The following C2CD3 variants were observed in gnomAD, a reference collection of about 807,000 sequenced individuals.
The protein encoded by C2CD3 is C2 domain-containing protein 3.
C2CD3 carries 148 observed loss-of-function variants against 234.0 expected under a neutral mutation model. That is an observed-to-expected ratio of 0.63 (90% CI 0.55 to 0.72). The LOEUF (loss-of-function observed/expected upper bound fraction) is 0.72. Among genes scored for constraint, C2CD3 ranks in the 30% least tolerant of loss-of-function variants. The probability of loss-of-function intolerance (pLI) is 0.00; values close to 1 mark genes in which losing one functional copy is unlikely to be tolerated. For missense variants in C2CD3, 2,577 were observed against 2,811.5 expected (o/e 0.92, Z 1.89); for synonymous variants, 1,000 against 1,035.4 (o/e 0.97, Z 0.66).
At chr11:74,155,611 C>T (rs948578771) in intron 3 of C2CD3, among the ~76,000 whole-genome samples, 12 of 151,902 alleles carry the variant, frequency 7.9e-5, no homozygotes, top group Non-Finnish European at 1.5e-4. Context: ...AACTTAGAAA[C>T]ATTATGTTAA....
At chr11:74,030,432 T>G (rs1952476588) in intron 31 of C2CD3, among the ~76,000 whole-genome samples, 1 of 152,202 alleles carries the variant, frequency 6.6e-6, no homozygotes, top group Non-Finnish European at 1.5e-5. Flanking sequence ...AAGGTCCTCC[T>G]TAACACTAAA....
rs1289509831 is a variant in C2CD3, at chr11:74,161,500, T to C, written c.382A>G (p.Arg128Gly). 4.4e-6 allele frequency: 7 copies of C among 1,597,094 alleles called. No individual in the cohort carries two copies. The highest frequency in any genetic ancestry group is 2.3e-5 in the East Asian group (1 of 43,784). The change falls in exon 3 of 33, where the codon AGA becomes GGA. Residue 128 changes from arginine (R) to glycine (G), a missense_variant. By Grantham distance (125) the Arg-to-Gly change is moderately radical. Transcript: ENST00000334126. The part of the protein sequence containing the change: ...ITKLDGLPIG[R>G]VQINGLAQLS... Reference sequence around the variant, plus strand: ...TGAGCTAGTCCATTGATCTGAACTCTACCAATTGGAAGACCATCAAGTTTG... The same window carrying C: ...TGAGCTAGTCCATTGATCTGAACTCCACCAATTGGAAGACCATCAAGTTTG...
chr11:74,113,645 A>G (rs772762012), intron 11 of C2CD3, 135 bp downstream of exon 11: 6 of 690,330 alleles, frequency 8.7e-6, no homozygotes, highest in East Asian at 2.7e-5. Context: ...GCGCCACCAC[A>G]CTCCAGCCTG....
At chr11:74,019,272 C>A (rs778477604) in intron 32 of C2CD3, among the ~76,000 whole-genome samples, 1 of 152,132 alleles carries the variant, frequency 6.6e-6, no homozygotes, top group African/African-American at 2.4e-5. Context: ...GACCTATGAG[C>A]CCCTTCCTAA....
chr11:74,020,664 T>C (rs1952050004), intron 32 of C2CD3, among the ~76,000 whole-genome samples: 1 of 152,198 alleles, frequency 6.6e-6, no homozygotes, highest in South Asian at 2.1e-4. Flanking sequence ...CCCAGGGAAC[T>C]GTGAGTTCCC....
Position 74,118,290 on chromosome 11 carries a change from T to C in C2CD3, c.1458A>G (p.Ser486=), listed in dbSNP as rs755477416. Residue 486 remains serine, a synonymous_variant, in exon 9 of 33, where the codon TCA becomes TCG. Coordinates refer to ENST00000334126, the MANE Select transcript of C2CD3 (RefSeq NM_001286577.2). ...GATCACTTGACTCCAGAACCTTAGA[T>C]GATCTGGCAAGAGCTGTTGACTGGC... ...KISQSTALAR[S]SKVLESSDHK... is the part of the protein sequence containing the mutation. The C allele has an allele frequency of 6.2e-7, 1 of 1,612,684 alleles. No individual in the cohort carries two copies. Among genetic ancestry groups the C allele is most frequent in the Admixed American group, 1.7e-5 (1 of 60,000 alleles).
intron 2 of C2CD3, chr11:74,164,335 G>A: frequency 1.6e-6 from 1 of 644,888 alleles, no homozygotes; most frequent in Non-Finnish European, 1.9e-6. Flanking sequence ...CATTTTCATG[G>A]CTGCTATTTT....
chr11:74,022,785 C>T (rs574505917), intron 32 of C2CD3, among the ~76,000 whole-genome samples: 1 of 152,324 alleles, frequency 6.6e-6, no homozygotes, highest in South Asian at 2.1e-4. Context: ...GGCAGCGGAA[C>T]TTGATTGATT....
chr11:74,139,408 A>G (rs2135544354), intron 4 of C2CD3, among the ~76,000 whole-genome samples, 197 bp downstream of exon 4: 1 of 152,324 alleles, frequency 6.6e-6, no homozygotes, highest in South Asian at 2.1e-4. Flanking sequence ...GGAAAACAGA[A>G]ATCATGTCTT....
chr11:74,146,156 T>C (rs2135551515), intron 3 of C2CD3, among the ~76,000 whole-genome samples: 1 of 152,294 alleles, frequency 6.6e-6, no homozygotes, highest in South Asian at 2.1e-4. Flanking sequence ...GGTATACCTG[T>C]GAAATGCAGT....
chr11:74,078,398 C>T lies in C2CD3; in HGVS notation c.4320G>A (p.Lys1440=), dbSNP rs763897555. 5 of 1,614,178 alleles carry T rather than the reference C, an allele frequency of 3.1e-6. No homozygotes were observed. The South Asian group carries it at 4.4e-5, about 14-fold the overall frequency. The part of the protein sequence containing the change: ...HKNTYCYLRY[K]FYDHEAFWTP... Reference sequence around the variant, plus strand: ...TCCAAAAGGCTTCATGATCATAGAACTTGTAGCGAAGGTAGCAATATGTAT... The same window carrying T: ...TCCAAAAGGCTTCATGATCATAGAATTTGTAGCGAAGGTAGCAATATGTAT... Residue 1440 remains lysine (K), a synonymous_variant, in exon 23 of 33, where the codon AAG becomes AAA. Transcript: ENST00000334126.
chr11:74,075,081 C>A (rs574933617), intron 23 of C2CD3, among the ~76,000 whole-genome samples: 3 of 151,928 alleles, frequency 2.0e-5, no homozygotes, highest in African/African-American at 4.8e-5. Context: ...AAGACTCTGT[C>A]TCAAAAAACA....
At chr11:74,116,919 C>CAT (rs1163801319) in intron 9 of C2CD3, among the ~76,000 whole-genome samples, 1 of 109,154 alleles carries the variant, frequency 9.2e-6, no homozygotes, top group Non-Finnish European at 1.8e-5. Context: ...TGTATATATA[C>CAT]ATATACACGT....
intron 11 of C2CD3, among the ~76,000 whole-genome samples, chr11:74,112,777 A>G (rs1330841080): frequency 1.3e-5 from 2 of 152,244 alleles, no homozygotes; most frequent in African/African-American, 2.4e-5. Flanking sequence ...GATGACCAGA[A>G]TAAAAAAGAA....
chr11:74,022,515 A>G (rs1219685323), intron 32 of C2CD3, among the ~76,000 whole-genome samples: 2 of 152,222 alleles, frequency 1.3e-5, no homozygotes, highest in Admixed American at 1.3e-4. Flanking sequence ...ATTCAAAGTC[A>G]TATTTGAAGT....
chr11:74,142,401 T>C (rs1397636775), intron 3 of C2CD3: 1 of 152,248 alleles, frequency 6.6e-6, no homozygotes, highest in Non-Finnish European at 1.5e-5. Context: ...CTAAATTACG[T>C]AGAAGTTTGT....
chr11:74,094,490 T>C (rs1956032974), intron 17 of C2CD3, among the ~76,000 whole-genome samples: 2 of 152,194 alleles, frequency 1.3e-5, no homozygotes, highest in Admixed American at 1.3e-4. Context: ...TTCTGGAACA[T>C]ACACCGAATG....
At chr11:74,089,439 T>C (rs1955791309) in intron 20 of C2CD3, among the ~76,000 whole-genome samples, 1 of 151,984 alleles carries the variant, frequency 6.6e-6, no homozygotes, top group South Asian at 2.1e-4. Context: ...ACTGAAAGAG[T>C]CTACGTGGAG....
intron 7 of C2CD3, among the ~76,000 whole-genome samples, chr11:74,127,579 T>C (rs1957453490): frequency 6.6e-6 from 1 of 152,148 alleles, no homozygotes; most frequent in Non-Finnish European, 1.5e-5. Context: ...CCCTTGGGTA[T>C]ATAGCTAGGA....
Sources: allele counts gnomAD v4.1 joint callset (sites outside exome capture counted in the v4.1 genomes callset), GRCh38; gene constraint gnomAD v4.1.1; transcripts MANE v1.5; gene names NCBI Gene and HGNC (gene_info 2026-07-23, HGNC 2026-07-21).